The following CSN1S1 variants were observed in gnomAD, a reference collection of about 807,000 sequenced individuals.
The protein encoded by CSN1S1 is casein alpha s1, also known as alpha-S1-casein.
In CSN1S1, 63 loss-of-function variants were observed where a neutral mutation model predicts 49.1. That is an observed-to-expected ratio of 1.28 (90% CI 1.05 to 1.58). CSN1S1 has a LOEUF of 1.58. CSN1S1 is among the 40% of genes most tolerant of loss of function. The pLI, the probability that CSN1S1 is intolerant of heterozygous loss-of-function variation, is 0.00. For missense variants in CSN1S1, 260 were observed against 224.7 expected (o/e 1.16, Z -1.01); for synonymous variants, 78 against 67.1 (o/e 1.16, Z -0.79).
rs1165811170 is a variant in CSN1S1, at chr4:69,932,618, A to C, written c.51+12A>C. 6.3e-7 allele frequency: 1 copy of C among 1,585,644 alleles called. No homozygotes were observed. Among genetic ancestry groups the C allele is most frequent in the Non-Finnish European group, 8.6e-7 (1 of 1,162,764 alleles). On this transcript the variant is annotated intron_variant, in intron 2 of 15. Transcript: ENST00000246891. ...CTCTTGCCAGGCCTGTAAGTTCAGT[A>C]GAGAATTTAGAAAGTCTTAGACTCT...
intron 1 of CSN1S1, among the ~76,000 whole-genome samples, chr4:69,931,830 G>T (rs1319016022): frequency 1.3e-5 from 2 of 151,744 alleles, no homozygotes; most frequent in Non-Finnish European, 1.5e-5. Flanking sequence ...ACATGTGGAT[G>T]TCCATATTTC....
chr4:69,932,478 ATT>A, intron 1 of CSN1S1, 64 bp from the exon 2 acceptor site: 1 of 1,424,322 alleles, frequency 7.0e-7, no homozygotes, highest in East Asian at 2.5e-5. Flanking sequence ...AAAATCAAGA[ATT>A]TTTTTCAGGA....
intron 12 of CSN1S1, among the ~76,000 whole-genome samples, 198 bp from the exon 13 acceptor site, chr4:69,941,848 A>G (rs1042327428): frequency 2.6e-5 from 4 of 151,860 alleles, no homozygotes; most frequent in Non-Finnish European, 5.9e-5. Context: ...TTTTAGTACC[A>G]TAGATATGAT....
intron 9 of CSN1S1, among the ~76,000 whole-genome samples, chr4:69,938,385 C>A (rs766617393): frequency 6.6e-6 from 1 of 151,502 alleles, no homozygotes; most frequent in Non-Finnish European, 1.5e-5. Context: ...GTTTTTACAG[C>A]GTAATGGCAA....
chr4:69,938,572 C>T (rs1722877641), intron 9 of CSN1S1, among the ~76,000 whole-genome samples: 1 of 151,434 alleles, frequency 6.6e-6, no homozygotes, highest in African/African-American at 2.4e-5. Context: ...CAACCATCCC[C>T]AGAGATAAAG....
Position 69,942,564 on chromosome 4 carries a change from G to T in CSN1S1, c.389G>T (p.Ser130Ile). 1 of 1,587,426 alleles carries T rather than the reference G, an allele frequency of 6.3e-7. No homozygotes were observed. The highest frequency in any genetic ancestry group is 8.6e-7 in the Non-Finnish European group (1 of 1,165,154). The change falls in exon 14 of 16, where the codon AGC becomes ATC. Residue 130 changes from serine to isoleucine, a missense_variant. Physicochemically the swap from Ser to Ile is moderately radical, Grantham distance 142. Transcript: ENST00000246891. ...CAAATTCGCAGAATGAATGAAAACA[G>T]CCATGTCCAAGTGGTAATATTTTGC... The part of the protein sequence containing the change: ...QEQIRRMNEN[S>I]HVQVPFQQLN...
intron 1 of CSN1S1, among the ~76,000 whole-genome samples, chr4:69,932,002 A>G (rs915812373): frequency 1.3e-5 from 2 of 151,912 alleles, no homozygotes; most frequent in African/African-American, 4.8e-5. Context: ...ATTGAAAGAG[A>G]TCAATAGCTT....
At chr4:69,938,184 A>G (rs547416812) in intron 9 of CSN1S1, among the ~76,000 whole-genome samples, 1 of 151,938 alleles carries the variant, frequency 6.6e-6, no homozygotes, top group South Asian at 2.1e-4. Context: ...TGACTCTGAC[A>G]TCCCAGGGCA....
chr4:69,936,340 A>C (rs1722782136), intron 5 of CSN1S1, 116 bp from the exon 6 acceptor site: 1 of 844,558 alleles, frequency 1.2e-6, no homozygotes, highest in Non-Finnish European at 1.9e-6. Context: ...TTCAGGAAAA[A>C]TGGATTTATT....
intron 5 of CSN1S1, 70 bp downstream of exon 5, chr4:69,936,019 A>T: frequency 4.3e-6 from 5 of 1,168,482 alleles, no homozygotes; most frequent in Non-Finnish European, 6.1e-6. Context: ...CAGGAGACTC[A>T]GAACAGTGCC....
chr4:69,937,686 T>G, intron 8 of CSN1S1, 114 bp from the exon 9 acceptor site: 1 of 813,084 alleles, frequency 1.2e-6, no homozygotes, highest in Non-Finnish European at 1.9e-6. Context: ...CTTATTACTT[T>G]TATATTGTCT....
chr4:69,934,774 A>T, intron 4 of CSN1S1, 64 bp downstream of exon 4: 3 of 1,414,092 alleles, frequency 2.1e-6, no homozygotes, highest in Admixed American at 1.7e-5. Context: ...GTTAGCTGTC[A>T]TGCATGTTGA....
chr4:69,942,171 AC>A, intron 13 of CSN1S1, 108 bp downstream of exon 13: 8 of 659,396 alleles, frequency 1.2e-5, no homozygotes, highest in Non-Finnish European at 2.0e-5. Context: ...AGAGTGTTCT[AC>A]CAACACTATC....
intron 1 of CSN1S1, among the ~76,000 whole-genome samples, chr4:69,931,642 G>T (rs368074782): frequency 2.0e-5 from 3 of 151,912 alleles, no homozygotes; most frequent in Admixed American, 1.3e-4. Context: ...GACACAAATA[G>T]TAAATTTATT....
Position 69,942,081 on chromosome 4 carries a change from A to T in CSN1S1, c.360+18A>T, listed in dbSNP as rs1291046910. 7.1e-7 allele frequency: 1 copy of T among 1,408,142 alleles called. No homozygotes were observed. The highest frequency in any genetic ancestry group is 1.5e-5 in the South Asian group (1 of 66,496). The allele number at this position is 1,408,142 out of a possible 1,614,324, so 87.2% of individuals were successfully genotyped here. A position where few individuals can be genotyped will look rare whatever the true frequency, so the allele number is the denominator to read the frequency against. ...ATGCCCAGGTGAGATTATTTATTAA[A>T]TCTAAAATATTTTAGTATTTCCTTC... On this transcript the variant is annotated intron_variant, in intron 13 of 15. Coordinates refer to ENST00000246891, the MANE Select transcript of CSN1S1 (RefSeq NM_001890.2).
At position 69,946,210 on chromosome 4, in the gene CSN1S1, T is replaced by C; in HGVS notation, c.*14T>C. The C allele has an allele frequency of 3.7e-6, 2 of 543,706 alleles. No individual in the cohort carries two copies. The highest frequency in any genetic ancestry group is 2.5e-5 in the South Asian group (1 of 40,408). 33.7% of individuals were successfully genotyped at this position (543,706 alleles called of 1,614,324 possible). ...TCTATTTACAGATATGATTGAAAAT[T>C]TCATTCTCTGAATTTCTCCTCTCAA... On this transcript the variant is annotated 3_prime_UTR_variant, in exon 16 of 16. Coordinates refer to ENST00000246891, the MANE Select transcript of CSN1S1 (RefSeq NM_001890.2).
chr4:69,935,917 T>G lies in CSN1S1; in HGVS notation c.106-9T>G, dbSNP rs1275180229. 2 of 1,517,494 alleles carry G rather than the reference T, an allele frequency of 1.3e-6. No homozygotes were observed. The highest frequency in any genetic ancestry group is 2.0e-5 in the Admixed American group (1 of 49,300). 94.0% of individuals were successfully genotyped at this position (1,517,494 alleles called of 1,614,324 possible). The stretch of plus-strand genomic sequence containing the variant: ...TGAATGAATTTTAACATAACTTTTT[T>G]TTTTGTAGCCTATACCATTAGAATC... On this transcript the variant is annotated splice_polypyrimidine_tract_variant and intron_variant, in intron 4 of 15. Transcript: ENST00000246891.
intron 11 of CSN1S1, among the ~76,000 whole-genome samples, chr4:69,940,351 T>C (rs1427325552): frequency 6.6e-6 from 1 of 151,760 alleles, no homozygotes; most frequent in African/African-American, 2.4e-5. Flanking sequence ...AGCTAGCGAC[T>C]TTTTTTATCC....
chr4:69,935,876 A>G (rs1430080923), intron 4 of CSN1S1, 50 bp from the exon 5 acceptor site: 1 of 1,168,456 alleles, frequency 8.6e-7, no homozygotes, highest in Admixed American at 2.2e-5. Context: ...AAATGATTTG[A>G]TAGATAACTC....
Sources: gnomAD v4.1 joint callset for allele counts (sites outside exome capture counted in the v4.1 genomes callset) on GRCh38, gnomAD v4.1.1 for gene constraint, MANE v1.5 for transcripts, NCBI Gene and HGNC (gene_info 2026-07-23, HGNC 2026-07-21) for gene names.